The following FILIP1L variants were observed in gnomAD, a reference collection of about 807,000 sequenced individuals.
FILIP1L encodes the protein filamin A interacting protein 1 like.
Under a neutral mutation model 96.6 loss-of-function variants are expected in FILIP1L, and 55 were observed. The ratio of observed to expected loss-of-function variants is 0.57; its 90% confidence interval spans 0.46 to 0.71. FILIP1L has a LOEUF of 0.71. FILIP1L is among the 30% of genes least tolerant of loss of function. The pLI is 0.00. For missense variants in FILIP1L, 1,304 were observed against 1,321.2 expected, an observed-to-expected ratio of 0.99 and a Z score of 0.20; for synonymous variants, 467 against 473.9, an observed-to-expected ratio of 0.99 and a Z score of 0.19.
rs1318742338 is a variant in FILIP1L, at chr3:100,113,701, G to C, written c.-11+352C>G. Reference sequence around the variant, plus strand: ...CATTCACATCAGCTTACAAAATCAAGCTATTAAGAAGGAAAGCCATTTATC... The same window carrying C: ...CATTCACATCAGCTTACAAAATCAACCTATTAAGAAGGAAAGCCATTTATC... On this transcript the variant is annotated intron_variant, in intron 1 of 5. Transcript: ENST00000477258. Among the ~76,000 whole-genome samples the C allele has an allele frequency of 2.6e-5, 4 of 152,230 alleles. No homozygotes were observed. In the South Asian group the frequency reaches 6.2e-4, roughly 24 times the overall value.
intron 5 of FILIP1L, among the ~76,000 whole-genome samples, chr3:99,845,214 T>G (rs1384543293): frequency 6.6e-6 from 1 of 152,136 alleles, no homozygotes; most frequent in Non-Finnish European, 1.5e-5. Flanking sequence ...GACAATTTTA[T>G]TTTTGTCAGT....
intron 1 of FILIP1L, among the ~76,000 whole-genome samples, chr3:99,959,418 G>A (rs1708429976): frequency 6.6e-6 from 1 of 152,106 alleles, no homozygotes; most frequent in African/African-American, 2.4e-5. Flanking sequence ...CCAAAGTGCT[G>A]GGATTACAGG....
rs144908071 is a variant in FILIP1L, at chr3:100,017,741, A to G, written c.-10-86711T>C. 4.2e-3 allele frequency among the ~76,000 whole-genome samples: 631 copies of G among 151,898 alleles called. 8 individuals carry two copies. Among genetic ancestry groups the G allele is most frequent in the African/African-American group, 0.015 (603 of 41,406 alleles). On this transcript the variant is annotated intron_variant, in intron 1 of 5. Coordinates refer to ENST00000477258, the MANE Select transcript of FILIP1L (RefSeq NM_001387850.1). ...GGAGTTCAAAACCAGCCGAGGCAACAAAGTGAGACACTGTCTCTAAAAATA... is the reference window on the plus strand; with the variant it reads ...GGAGTTCAAAACCAGCCGAGGCAACGAAGTGAGACACTGTCTCTAAAAATA...
At chr3:99,958,203 CATTATTATTATTATTATT>C (rs71688408) in intron 1 of FILIP1L, among the ~76,000 whole-genome samples, 187 of 132,708 alleles carry the variant, frequency 1.4e-3, no homozygotes, top group South Asian at 4.3e-3. Flanking sequence ...GCCCTGCATG[CATTATTATTATTATTATT>C]ATTATTATTA....
Position 99,850,137 on chromosome 3 carries a change from TTTC to T in FILIP1L, c.1536_1538del (p.Lys513del). The T allele has an allele frequency of 6.2e-7, 1 of 1,611,868 alleles. No homozygotes were observed. Among genetic ancestry groups the T allele is most frequent in the Non-Finnish European group, 8.5e-7 (1 of 1,179,620 alleles). ...AAGCAGCTTGTAATTTATCTTCAGT[TTTC>T]TTTAATTTTTCACTCATTGTTTTCC... On this transcript the variant is annotated inframe_deletion, in exon 5 of 6. Coordinates refer to ENST00000477258, the MANE Select transcript of FILIP1L (RefSeq NM_001387850.1).
chr3:99,950,855 AAGAGAG>A (rs1041622251), intron 1 of FILIP1L, among the ~76,000 whole-genome samples: 1 of 150,098 alleles, frequency 6.7e-6, no homozygotes, highest in Non-Finnish European at 1.5e-5. Context: ...AGTAAAAATA[AAGAGAG>A]AGAGAGAGAA....
intron 1 of FILIP1L, among the ~76,000 whole-genome samples, chr3:99,977,442 C>T (rs2107727252): frequency 6.6e-6 from 1 of 151,806 alleles, no homozygotes; most frequent in South Asian, 2.1e-4. Context: ...GGCCTATGGG[C>T]AATAGAAGTG....
At chr3:99,877,792 C>T (rs1705584882) in intron 4 of FILIP1L, among the ~76,000 whole-genome samples, 1 of 152,126 alleles carries the variant, frequency 6.6e-6, no homozygotes, top group African/African-American at 2.4e-5. Flanking sequence ...GATTAAATGA[C>T]TTTTATGAAA....
At chr3:100,017,956 A>T (rs1710393486) in intron 1 of FILIP1L, among the ~76,000 whole-genome samples, 1 of 152,096 alleles carries the variant, frequency 6.6e-6, no homozygotes, top group Non-Finnish European at 1.5e-5. Context: ...AATTGCCTGG[A>T]GCTTCCCAGG....
At chr3:99,982,567 C>T (rs1373199439) in intron 1 of FILIP1L, among the ~76,000 whole-genome samples, 1 of 152,070 alleles carries the variant, frequency 6.6e-6, no homozygotes, top group Non-Finnish European at 1.5e-5. Context: ...TGGTCTTTCA[C>T]CCCTGGGCTC....
intron 1 of FILIP1L, among the ~76,000 whole-genome samples, chr3:100,065,199 G>A (rs1559745423): frequency 6.6e-6 from 1 of 152,148 alleles, no homozygotes; most frequent in Non-Finnish European, 1.5e-5. Flanking sequence ...CAGACTTACT[G>A]AATCTGAATC....
intron 1 of FILIP1L, among the ~76,000 whole-genome samples, chr3:99,933,996 A>C (rs887316245): frequency 3.9e-5 from 6 of 152,198 alleles, no homozygotes; most frequent in Non-Finnish European, 8.8e-5. Flanking sequence ...TGGATGGTCT[A>C]AGACGGGCTC....
intron 1 of FILIP1L, among the ~76,000 whole-genome samples, chr3:99,956,914 A>C (rs928759591): frequency 6.6e-6 from 1 of 152,024 alleles, no homozygotes; most frequent in Non-Finnish European, 1.5e-5. Context: ...TTCTGCCCTC[A>C]CCAATGGCTT....
intron 1 of FILIP1L, among the ~76,000 whole-genome samples, chr3:100,100,750 G>T (rs1187130547): frequency 6.6e-6 from 1 of 152,196 alleles, no homozygotes; most frequent in African/African-American, 2.4e-5. Flanking sequence ...GCATCACTAA[G>T]ATATCTGGTG....
Position 99,850,501 on chromosome 3 carries a change from A to G in FILIP1L, c.1175T>C (p.Met392Thr), listed in dbSNP as rs770746244. ...MEGKDEELIK[M>T]EEQCRDLNKR... ...ATTGAGATCTCTGCACTGCTCCTCC[A>G]TTTTTATGAGCTCTTCATCTTTCCC... is the stretch of plus-strand genomic sequence containing the variant. The change falls in exon 5 of 6, where the codon ATG (methionine) becomes ACG (threonine). Residue 392 changes from methionine (M) to threonine (T), a missense_variant. Coordinates refer to ENST00000477258, the MANE Select transcript of FILIP1L (RefSeq NM_001387850.1). The G allele has an allele frequency of 8.1e-6, 13 of 1,612,866 alleles. No individual in the cohort carries two copies. In the Admixed American group the frequency reaches 1.7e-4, roughly 21 times the overall value.
chr3:100,098,039 A>C (rs1178787253), intron 1 of FILIP1L, among the ~76,000 whole-genome samples: 1 of 152,216 alleles, frequency 6.6e-6, no homozygotes, highest in Non-Finnish European at 1.5e-5. Flanking sequence ...TATTTGAAAA[A>C]TCTAGTAAAA....
At chr3:100,108,103 A>T (rs931460091) in intron 1 of FILIP1L, among the ~76,000 whole-genome samples, 1 of 152,112 alleles carries the variant, frequency 6.6e-6, no homozygotes, top group African/African-American at 2.4e-5. Flanking sequence ...TAGGGTCCCA[A>T]AGAAAATACA....
intron 5 of FILIP1L, among the ~76,000 whole-genome samples, chr3:99,841,325 T>TG (rs1559651716): frequency 6.6e-6 from 1 of 152,248 alleles, no homozygotes. Flanking sequence ...TCAGATAAAC[T>TG]GGAGCTTTCC....
At chr3:100,113,287 G>A (rs955166934) in intron 1 of FILIP1L, among the ~76,000 whole-genome samples, 10 of 152,186 alleles carry the variant, frequency 6.6e-5, no homozygotes, top group African/African-American at 1.4e-4. Flanking sequence ...TCCCATTGAG[G>A]AGTACAGTGA....
Sources: gnomAD v4.1 joint callset for allele counts (sites outside exome capture counted in the v4.1 genomes callset) on GRCh38, gnomAD v4.1.1 for gene constraint, MANE v1.5 for transcripts, NCBI Gene and HGNC (gene_info 2026-07-23, HGNC 2026-07-21) for gene names.